UBL3: variants seen among roughly 807,000 people sequenced by gnomAD.
UBL3 encodes the protein ubiquitin like 3.
A neutral mutation model predicts 18.4 loss-of-function variants in UBL3; 6 were observed. The observed-to-expected ratio is 0.33, with a 90% confidence interval of 0.18 to 0.64. UBL3 has a LOEUF of 0.64. UBL3 is among the 30% of genes least tolerant of loss of function. The probability of loss-of-function intolerance (pLI) is 0.76; values close to 1 mark genes in which losing one functional copy is unlikely to be tolerated. For missense variants in UBL3, 109 were observed against 142.9 expected, an observed-to-expected ratio of 0.76 and a Z score of 1.21; for synonymous variants, 49 against 46.6, an observed-to-expected ratio of 1.05 and a Z score of -0.21.
At chr13:29,777,006 A>G in intron 2 of UBL3, 149 bp downstream of exon 2, 1 of 500,272 alleles carries the variant, frequency 2.0e-6, no homozygotes, top group Non-Finnish European at 3.4e-6. Flanking sequence ...AAGATAAGGA[A>G]GGGTACAATG....
chr13:29,783,140 T>G (rs1174035052), intron 1 of UBL3, among the ~76,000 whole-genome samples: 1 of 152,248 alleles, frequency 6.6e-6, no homozygotes, highest in African/African-American at 2.4e-5. Context: ...TTGGTAGTGC[T>G]GTGGTCATGC....
chr13:29,772,169 T>C lies in UBL3; in HGVS notation c.166A>G (p.Asn56Asp), dbSNP rs1387296265. ...DWEEEQVSSP[N>D]ILRLIYQGRF... ...CCTTGATAAATAAGTCGTAGAATAT[T>C]TGGACTGCTGACCTGCTCTTCTTCC... Residue 56 changes from asparagine to aspartate, a missense_variant, in exon 3 of 5, where the codon AAT becomes GAT. By Grantham distance (23) the Asn-to-Asp change is conservative. Transcript: ENST00000380680. The C allele has an allele frequency of 6.2e-7, 1 of 1,612,138 alleles. No homozygotes were observed. The highest frequency in any genetic ancestry group is 1.7e-5 in the Admixed American group (1 of 59,930).
At chr13:29,832,881 TAGCACTGC>T (rs1878818317) in intron 1 of UBL3, among the ~76,000 whole-genome samples, 1 of 152,202 alleles carries the variant, frequency 6.6e-6, no homozygotes, top group African/African-American at 2.4e-5. Flanking sequence ...ACCAAGGAAT[TAGCACTGC>T]AGTTGAGGAC....
At chr13:29,801,747 G>A (rs900337091) in intron 1 of UBL3, among the ~76,000 whole-genome samples, 1 of 152,092 alleles carries the variant, frequency 6.6e-6, no homozygotes, top group Non-Finnish European at 1.5e-5. Context: ...CTGTCTCCCC[G>A]CAAAGTCCTC....
intron 1 of UBL3, among the ~76,000 whole-genome samples, chr13:29,835,153 T>TAA (rs1566001144): frequency 0.01 from 311 of 30,480 alleles, 17 homozygotes; most frequent in Non-Finnish European, 0.016. Flanking sequence ...TATATATATA[T>TAA]ATATATATAT....
At chr13:29,791,748 G>A (rs1250767810) in intron 1 of UBL3, among the ~76,000 whole-genome samples, 2 of 152,194 alleles carry the variant, frequency 1.3e-5, no homozygotes, top group East Asian at 1.9e-4. Context: ...ACTCATGTTT[G>A]CTGTCTCACT....
intron 1 of UBL3, among the ~76,000 whole-genome samples, chr13:29,812,324 G>A (rs1369651374): frequency 6.6e-6 from 1 of 151,962 alleles, no homozygotes; most frequent in Non-Finnish European, 1.5e-5. Context: ...AAGCCTACCT[G>A]CAAGAACCAC....
At chr13:29,824,677 G>T in intron 1 of UBL3, among the ~76,000 whole-genome samples, 1 of 152,182 alleles carries the variant, frequency 6.6e-6, no homozygotes, top group Non-Finnish European at 1.5e-5. Flanking sequence ...TCTGGTGGTA[G>T]TTTCTTTTGC....
Position 29,812,775 on chromosome 13 carries a change from G to A in UBL3, c.28-35512C>T, listed in dbSNP as rs541724488. Among the ~76,000 whole-genome samples, 3 of 151,804 alleles carry A rather than the reference G, an allele frequency of 2.0e-5. No individual in the cohort carries two copies. In the South Asian group the frequency reaches 6.3e-4, roughly 32 times the overall value. ...AAATCTGACATCTGAATTCAGATGTGCTCTAAGTATAATGCACCTTAGATT... is the reference window on the plus strand; with the variant it reads ...AAATCTGACATCTGAATTCAGATGTACTCTAAGTATAATGCACCTTAGATT... On this transcript the variant is annotated intron_variant, in intron 1 of 4. Transcript: ENST00000380680.
chr13:29,840,221 C>A (rs991286497), intron 1 of UBL3, among the ~76,000 whole-genome samples: 15 of 152,066 alleles, frequency 9.9e-5, no homozygotes, highest in Non-Finnish European at 1.5e-4. Flanking sequence ...CACACACACA[C>A]AAAAACCTTA....
chr13:29,801,869 G>T (rs1285043138), intron 1 of UBL3, among the ~76,000 whole-genome samples: 4 of 152,164 alleles, frequency 2.6e-5, no homozygotes, highest in African/African-American at 9.7e-5. Context: ...ATTTCTCTGG[G>T]GTGGAGCCCC....
chr13:29,826,113 G>C (rs1229730666), intron 1 of UBL3, among the ~76,000 whole-genome samples: 1 of 152,142 alleles, frequency 6.6e-6, no homozygotes, highest in Non-Finnish European at 1.5e-5. Context: ...TTTTATTGAG[G>C]ATTTTTGCAT....
At chr13:29,810,566 G>A (rs951111639) in intron 1 of UBL3, among the ~76,000 whole-genome samples, 6 of 152,000 alleles carry the variant, frequency 3.9e-5, no homozygotes, top group Non-Finnish European at 8.8e-5. Flanking sequence ...TGAAGACAAG[G>A]CATCTTTTGG....
chr13:29,789,049 A>G (rs1483485950), intron 1 of UBL3, among the ~76,000 whole-genome samples: 1 of 151,944 alleles, frequency 6.6e-6, no homozygotes, highest in East Asian at 1.9e-4. Flanking sequence ...ACAGGCATGC[A>G]CCACCACACC....
intron 1 of UBL3, among the ~76,000 whole-genome samples, chr13:29,798,063 G>C (rs1877662310): frequency 6.7e-6 from 1 of 148,812 alleles, no homozygotes; most frequent in Non-Finnish European, 1.5e-5. Flanking sequence ...TTGCTCTGTT[G>C]TGCCCAGGCT....
chr13:29,780,929 T>C (rs1024263062), intron 1 of UBL3, among the ~76,000 whole-genome samples: 10 of 152,170 alleles, frequency 6.6e-5, no homozygotes, highest in Admixed American at 2.6e-4. Context: ...ATCCCAGCAC[T>C]TTGCGAGGCT....
chr13:29,776,166 T>C (rs1030854489), intron 2 of UBL3, among the ~76,000 whole-genome samples: 6 of 152,160 alleles, frequency 3.9e-5, no homozygotes, highest in African/African-American at 1.4e-4. Flanking sequence ...TAGTTGTTCT[T>C]TCCTCTTTGT....
chr13:29,784,294 CAG>C (rs1432665846), intron 1 of UBL3, among the ~76,000 whole-genome samples: 1 of 152,096 alleles, frequency 6.6e-6, no homozygotes, highest in Non-Finnish European at 1.5e-5. Context: ...AATATAATTA[CAG>C]AGATGGACCA....
chr13:29,794,105 C>T (rs1055572679), intron 1 of UBL3, among the ~76,000 whole-genome samples: 4 of 152,106 alleles, frequency 2.6e-5, no homozygotes, highest in African/African-American at 7.2e-5. Context: ...CTCACCCTCC[C>T]GAAGTGCTGG....
Sources: allele counts gnomAD v4.1 joint callset (sites outside exome capture counted in the v4.1 genomes callset), GRCh38; gene constraint gnomAD v4.1.1; transcripts MANE v1.5; gene names NCBI Gene and HGNC (gene_info 2026-07-23, HGNC 2026-07-21).